The following IQCE variants were observed in gnomAD, a reference collection of about 807,000 sequenced individuals.
IQCE encodes the protein IQ domain-containing protein E.
A neutral mutation model predicts 96.0 loss-of-function variants in IQCE; 115 were observed. The observed-to-expected ratio is 1.20, with a 90% confidence interval of 1.03 to 1.40. IQCE has a LOEUF of 1.40. IQCE is among the 40% of genes most tolerant of loss of function. IQCE has a pLI of 0.00. For synonymous variants in IQCE, 412 were observed against 371.2 expected (o/e 1.11, Z -1.26); for missense variants, 1,041 against 909.1 (o/e 1.15, Z -1.87).
At chr7:2,579,143 T>C (rs904855955) in intron 8 of IQCE, among the ~76,000 whole-genome samples, 3 of 151,006 alleles carry the variant, frequency 2.0e-5, no homozygotes, top group African/African-American at 7.3e-5. Context: ...TATGTGACAA[T>C]ATGTAAGAAG....
At position 2,601,551 on chromosome 7, in the gene IQCE, CCTTTT is replaced by C. The variant is rs761533747; in HGVS notation, c.1632+93_1632+97del. 5.0e-6 allele frequency: 5 copies of C among 992,190 alleles called. No individual in the cohort carries two copies. In the South Asian group the frequency reaches 6.7e-5, roughly 13 times the overall value. 61.5% of individuals were successfully genotyped at this position (992,190 alleles called of 1,614,324 possible). On this transcript the variant is annotated intron_variant, in intron 18 of 21. Transcript: ENST00000402050. The stretch of plus-strand genomic sequence containing the variant: ...GGGGATATTTAAAGATGTGTTGATT[CCTTTT>C]CTTTTTTTTTCGAGATGGAATCTCG...
chr7:2,592,930 G>A, intron 14 of IQCE, 92 bp from the exon 15 acceptor site: 1 of 1,393,456 alleles, frequency 7.2e-7, no homozygotes, highest in Admixed American at 2.0e-5. Flanking sequence ...CTAAGGAAGG[G>A]CTGAGCACTG....
intron 17 of IQCE, 151 bp from the exon 18 acceptor site, chr7:2,601,290 G>T: frequency 1.5e-6 from 1 of 649,282 alleles, no homozygotes; most frequent in Non-Finnish European, 2.8e-6. Context: ...GCGTTTGTTT[G>T]CTGGGTCCCG....
intron 14 of IQCE, among the ~76,000 whole-genome samples, chr7:2,591,547 G>A (rs963674367): frequency 2.0e-5 from 3 of 151,562 alleles, no homozygotes; most frequent in Non-Finnish European, 2.9e-5. Flanking sequence ...GAGCTGGTTA[G>A]AATGCAGCCA....
intron 16 of IQCE, 123 bp downstream of exon 16, chr7:2,595,099 T>C (rs1216431834): frequency 2.4e-5 from 17 of 703,004 alleles, no homozygotes; most frequent in Non-Finnish European, 3.1e-5. Context: ...CTCCCCTTTA[T>C]CATCACCATT....
intron 1 of IQCE, 157 bp downstream of exon 1, chr7:2,559,374 G>A (rs994984623): frequency 3.9e-4 from 138 of 356,248 alleles, no homozygotes; most frequent in Middle Eastern, 8.2e-4. Flanking sequence ...TACCGCACAA[G>A]AGCGCGCTGC....
At position 2,560,955 on chromosome 7, in the gene IQCE, C is replaced by CAA. The variant is rs746886884; in HGVS notation, c.36+1759_36+1760dup. ...CTGGCAGCAGAGTGAGACTCTGTCT[C>CAA]AAAAAAAAAAAAAAAAAAAAAAGAC... On this transcript the variant is annotated intron_variant, in intron 1 of 21. Coordinates refer to ENST00000402050, the MANE Select transcript of IQCE (RefSeq NM_152558.5). Among the ~76,000 whole-genome samples, 166 of 58,194 alleles carry CAA rather than the reference C, an allele frequency of 2.9e-3. 1 individual carries two copies. Among genetic ancestry groups the CAA allele is most frequent in the South Asian group, 0.013 (22 of 1,676 alleles). 38.2% of individuals were successfully genotyped at this position (58,194 alleles called of 152,430 possible). A position where few individuals can be genotyped will look rare whatever the true frequency, so the allele number is the denominator to read the frequency against.
chr7:2,603,610 C>T (rs1470679872), intron 18 of IQCE, among the ~76,000 whole-genome samples: 2 of 152,150 alleles, frequency 1.3e-5, no homozygotes, highest in Non-Finnish European at 2.9e-5. Context: ...AGATGCGTGC[C>T]CCTCTCACCC....
rs180966687 is a variant in IQCE at position 2,575,836 on chromosome 7, G to A, written c.465+2348G>A. Reference sequence around the variant, plus strand: ...AACTGAAGGAGCTCCCTGCCGTGTCGATCGCTGGCCCCCCGGCTCCCGGCC... The same window carrying A: ...AACTGAAGGAGCTCCCTGCCGTGTCAATCGCTGGCCCCCCGGCTCCCGGCC... On this transcript the variant is annotated intron_variant, in intron 6 of 21. Transcript: ENST00000402050. 1.8e-4 allele frequency among the ~76,000 whole-genome samples: 28 copies of A among 152,268 alleles called. No homozygotes were observed. In the East Asian group the frequency reaches 3.3e-3, roughly 18 times the overall value.
intron 6 of IQCE, among the ~76,000 whole-genome samples, chr7:2,576,017 G>A (rs1562633293): frequency 1.3e-5 from 2 of 152,230 alleles, no homozygotes. Flanking sequence ...TTCCTTGACT[G>A]CTGGGCCTTC....
At chr7:2,594,710 G>GT (rs1783884239) in intron 15 of IQCE, among the ~76,000 whole-genome samples, 176 bp from the exon 16 acceptor site, 2 of 152,380 alleles carry the variant, frequency 1.3e-5, no homozygotes, top group South Asian at 4.1e-4. Flanking sequence ...GGTTTCTGGT[G>GT]TTGTCAGGTC....
intron 20 of IQCE, 58 bp downstream of exon 20, chr7:2,606,055 C>T: frequency 6.5e-7 from 1 of 1,547,748 alleles, no homozygotes; most frequent in Non-Finnish European, 8.7e-7. Context: ...CTGCCCACCG[C>T]ACTGGGCCCG....
At position 2,591,081 on chromosome 7, in the gene IQCE, C is replaced by T. The variant is rs541250251; in HGVS notation, c.1244+975C>T. 6.6e-5 allele frequency among the ~76,000 whole-genome samples: 10 copies of T among 152,188 alleles called. No homozygotes were observed. The South Asian group carries it at 1.7e-3, about 25-fold the overall frequency. ...CAACCTGGACAGCATGGTGAAACCT[C>T]GTCCCTACAAAAAATACAAAAATTA... On this transcript the variant is annotated intron_variant, in intron 14 of 21. Transcript: ENST00000402050.
At chr7:2,604,821 G>A (rs1389730830) in intron 18 of IQCE, 60 bp from the exon 19 acceptor site, 8 of 1,248,068 alleles carry the variant, frequency 6.4e-6, no homozygotes, top group Admixed American at 1.8e-5. Context: ...CCTCCCTCTC[G>A]CCCGCCGTTG....
chr7:2,595,903 G>A (rs1784000470), intron 16 of IQCE, among the ~76,000 whole-genome samples: 1 of 152,082 alleles, frequency 6.6e-6, no homozygotes, highest in East Asian at 1.9e-4. Flanking sequence ...TTGCCTCCCT[G>A]GAGGGTCGCA....
At chr7:2,563,375 T>TTGTGTG (rs143397539) in intron 1 of IQCE, among the ~76,000 whole-genome samples, 3,320 of 135,760 alleles carry the variant, frequency 0.024, 58 homozygotes, top group Middle Eastern at 0.043. Context: ...TAATTTTTTG[T>TTGTGTG]TGTGTGTGTG....
rs1197913051 is a variant in IQCE at position 2,582,600 on chromosome 7, G to C, written c.651G>C (p.Gln217His). Residue 217 changes from glutamine to histidine, a missense_variant, in exon 9 of 22, where the codon CAG becomes CAC. By Grantham distance (24) the Gln-to-His change is conservative (BLOSUM62 0). Coordinates refer to ENST00000402050, the MANE Select transcript of IQCE (RefSeq NM_152558.5). ...DASWVINGLK[Q>H]RILKLEQQCK... Reference sequence around the variant, plus strand: ...GGCAGGTCATTAACGGGCTGAAGCAGAGGATCCTGAAGCTGGAACAGCAGT... The same window carrying C: ...GGCAGGTCATTAACGGGCTGAAGCACAGGATCCTGAAGCTGGAACAGCAGT... 1.9e-6 allele frequency: 3 copies of C among 1,613,992 alleles called. No individual in the cohort carries two copies. Among genetic ancestry groups the C allele is most frequent in the Non-Finnish European group, 2.5e-6 (3 of 1,180,008 alleles).
intron 11 of IQCE, among the ~76,000 whole-genome samples, chr7:2,585,540 A>G (rs1276800458): frequency 6.6e-6 from 1 of 152,258 alleles, no homozygotes; most frequent in African/African-American, 2.4e-5. Context: ...GACGGCACTC[A>G]GCACTGCAGT....
chr7:2,562,948 C>G (rs1311722417), intron 1 of IQCE, among the ~76,000 whole-genome samples: 1 of 151,800 alleles, frequency 6.6e-6, no homozygotes, highest in African/African-American at 2.4e-5. Context: ...TTTTCAGAGA[C>G]AGAACCTCAC....
Sources: gnomAD v4.1 joint callset for allele counts (sites outside exome capture counted in the v4.1 genomes callset) on GRCh38, gnomAD v4.1.1 for gene constraint, MANE v1.5 for transcripts, NCBI Gene and HGNC (gene_info 2026-07-23, HGNC 2026-07-21) for gene names.